ALCAM: variants seen among roughly 807,000 people sequenced by gnomAD.
ALCAM encodes the protein CD166 antigen.
ALCAM carries 30 observed loss-of-function variants against 70.9 expected under a neutral mutation model. The observed-to-expected ratio is 0.42, with a 90% CI of 0.32 to 0.57. The LOEUF (loss-of-function observed/expected upper bound fraction) is 0.57. Ranked by LOEUF, ALCAM falls within the 20% of genes least tolerant of loss-of-function variation. The pLI is 0.11. For synonymous variants in ALCAM, 249 were observed against 242.5 expected (o/e 1.03, Z -0.25); for missense variants, 591 against 695.1 (o/e 0.85, Z 1.68).
intron 1 of ALCAM, among the ~76,000 whole-genome samples, chr3:105,372,660 C>A (rs577749392): frequency 5.9e-5 from 9 of 152,172 alleles, no homozygotes; most frequent in African/African-American, 1.4e-4. Context: ...CTTGTCTGGT[C>A]TAAGAATTCA....
intron 1 of ALCAM, among the ~76,000 whole-genome samples, chr3:105,491,218 C>T (rs1483168075): frequency 6.6e-6 from 1 of 152,162 alleles, no homozygotes; most frequent in Non-Finnish European, 1.5e-5. Context: ...AGATTCAGGA[C>T]ACCAAGTCCA....
intron 1 of ALCAM, among the ~76,000 whole-genome samples, chr3:105,431,507 C>T (rs1283203109): frequency 6.6e-6 from 1 of 152,104 alleles, no homozygotes; most frequent in African/African-American, 2.4e-5. Flanking sequence ...GTGCTTTCTG[C>T]TTGTATCCCA....
chr3:105,448,432 C>T (rs1033497869), intron 1 of ALCAM, among the ~76,000 whole-genome samples: 11 of 150,928 alleles, frequency 7.3e-5, no homozygotes, highest in Middle Eastern at 3.5e-3. Flanking sequence ...AGTAATCTTT[C>T]GAATCTTTTT....
intron 5 of ALCAM, 103 bp downstream of exon 5, chr3:105,533,793 AC>A: frequency 9.3e-7 from 1 of 1,070,712 alleles, no homozygotes; most frequent in Non-Finnish European, 1.4e-6. Context: ...CCTTTTTGGC[AC>A]CAGGAACTGG....
chr3:105,430,259 A>G (rs987333339), intron 1 of ALCAM, among the ~76,000 whole-genome samples: 2 of 152,000 alleles, frequency 1.3e-5, no homozygotes, highest in African/African-American at 4.8e-5. Context: ...ATTATCAACT[A>G]AAATTCATAT....
chr3:105,518,781 C>G (rs1939451072), intron 1 of ALCAM, among the ~76,000 whole-genome samples: 1 of 151,976 alleles, frequency 6.6e-6, no homozygotes, highest in South Asian at 2.1e-4. Flanking sequence ...GGTATTCTGT[C>G]TTAACAATGT....
intron 14 of ALCAM, among the ~76,000 whole-genome samples, chr3:105,555,990 A>C (rs185891124): frequency 2.0e-4 from 31 of 152,116 alleles, no homozygotes; most frequent in Non-Finnish European, 2.9e-4. Context: ...AAAGGCATTA[A>C]TTAGTCCACC....
intron 4 of ALCAM, 109 bp from the exon 5 acceptor site, chr3:105,533,494 C>T (rs1369955479): frequency 1.7e-5 from 13 of 781,010 alleles, no homozygotes; most frequent in South Asian, 7.0e-5. Flanking sequence ...GGAAAATAAA[C>T]GGGTCAAGAA....
intron 1 of ALCAM, among the ~76,000 whole-genome samples, chr3:105,418,789 T>C (rs1453352137): frequency 3.3e-5 from 5 of 151,718 alleles, no homozygotes; most frequent in South Asian, 2.1e-4. Context: ...TTCAATTTTA[T>C]CTTCAGGTTC....
chr3:105,456,651 T>C (rs1337277506), intron 1 of ALCAM, among the ~76,000 whole-genome samples: 1 of 152,202 alleles, frequency 6.6e-6, no homozygotes, highest in Non-Finnish European at 1.5e-5. Context: ...GATGTTTTCT[T>C]AATATTAGTA....
chr3:105,572,758 G>C (rs187560992), intron 15 of ALCAM, among the ~76,000 whole-genome samples: 2 of 152,024 alleles, frequency 1.3e-5, no homozygotes, highest in Admixed American at 6.6e-5. Flanking sequence ...AGAGTTTTTC[G>C]AAAGGAAACT....
At chr3:105,554,640 C>A (rs993543779) in intron 14 of ALCAM, among the ~76,000 whole-genome samples, 1 of 151,984 alleles carries the variant, frequency 6.6e-6, no homozygotes, top group African/African-American at 2.4e-5. Flanking sequence ...AAACACTTCA[C>A]ATGGGTTTGT....
At chr3:105,423,372 G>A (rs1347430296) in intron 1 of ALCAM, among the ~76,000 whole-genome samples, 2 of 150,886 alleles carry the variant, frequency 1.3e-5, no homozygotes, top group Non-Finnish European at 3.0e-5. Flanking sequence ...AGAACAAACA[G>A]GGCCAATGAC....
At chr3:105,388,840 A>T (rs1206230461) in intron 1 of ALCAM, among the ~76,000 whole-genome samples, 1 of 151,646 alleles carries the variant, frequency 6.6e-6, no homozygotes, top group Non-Finnish European at 1.5e-5. Context: ...AGGATTCAAA[A>T]CTATGAGATT....
intron 1 of ALCAM, among the ~76,000 whole-genome samples, chr3:105,487,054 A>G (rs1938449576): frequency 6.6e-6 from 1 of 151,992 alleles, no homozygotes; most frequent in Non-Finnish European, 1.5e-5. Context: ...GTTTGGCAAG[A>G]GATTTATCTA....
chr3:105,435,854 G>A (rs759273505), intron 1 of ALCAM, among the ~76,000 whole-genome samples: 4 of 151,918 alleles, frequency 2.6e-5, no homozygotes, highest in African/African-American at 7.3e-5. Flanking sequence ...GCAGTGGCGC[G>A]ATCTCGGCTC....
chr3:105,458,808 T>A (rs1223183201), intron 1 of ALCAM, among the ~76,000 whole-genome samples: 1 of 152,172 alleles, frequency 6.6e-6, no homozygotes, highest in Admixed American at 6.5e-5. Context: ...TCCTGTTTTT[T>A]AGCTGTCTCT....
intron 6 of ALCAM, among the ~76,000 whole-genome samples, chr3:105,538,965 C>T (rs915736429): frequency 3.3e-5 from 5 of 151,972 alleles, no homozygotes; most frequent in Middle Eastern, 3.4e-3. Flanking sequence ...AATAAATGAC[C>T]GCAAGAGATA....
chr3:105,526,900 A>G (rs1350326837), intron 3 of ALCAM, among the ~76,000 whole-genome samples: 3 of 152,138 alleles, frequency 2.0e-5, no homozygotes, highest in African/African-American at 7.2e-5. Flanking sequence ...GTACCATAGA[A>G]TCAAGTGTGG....
Sources: allele counts gnomAD v4.1 joint callset (sites outside exome capture counted in the v4.1 genomes callset), GRCh38; gene constraint gnomAD v4.1.1; transcripts MANE v1.5; gene names NCBI Gene and HGNC (gene_info 2026-07-23, HGNC 2026-07-21).